Variants in MRPS15 observed in about 807,000 individuals in gnomAD.
The protein encoded by MRPS15 is mitochondrial ribosomal protein S15, also known as small ribosomal subunit protein uS15m.
In MRPS15, 25 loss-of-function variants were observed where a neutral mutation model predicts 30.7. The observed-to-expected ratio is 0.81, with a 90% CI of 0.59 to 1.14. The LOEUF (loss-of-function observed/expected upper bound fraction) is 1.14. Ranked by LOEUF, MRPS15 falls within the 50% of genes most tolerant of loss-of-function variation. The probability of loss-of-function intolerance (pLI) is 0.00; values close to 1 mark genes in which losing one functional copy is unlikely to be tolerated. For synonymous variants in MRPS15, 124 were observed against 120.1 expected, an observed-to-expected ratio of 1.03 and a Z score of -0.21; for missense variants, 313 against 321.7, an observed-to-expected ratio of 0.97 and a Z score of 0.21.
intron 2 of MRPS15, among the ~76,000 whole-genome samples, chr1:36,462,714 C>T (rs756661084): frequency 1.3e-5 from 2 of 152,222 alleles, no homozygotes; most frequent in Non-Finnish European, 2.9e-5. Context: ...CTTATCCTCT[C>T]CAGTCAGACC....
chr1:36,456,845 C>T (rs1650002908), intron 6 of MRPS15, among the ~76,000 whole-genome samples: 1 of 152,234 alleles, frequency 6.6e-6, no homozygotes, highest in Non-Finnish European at 1.5e-5. Context: ...CTTTAAGAAG[C>T]AGGCTCCAGG....
At chr1:36,457,267 C>T (rs1650008291) in intron 6 of MRPS15, among the ~76,000 whole-genome samples, 1 of 137,886 alleles carries the variant, frequency 7.3e-6, no homozygotes, top group South Asian at 2.3e-4. Flanking sequence ...CAGAGCAAGG[C>T]TCCATCTCAA....
Position 36,461,211 on chromosome 1 carries a change from G to T in MRPS15, c.300+53C>A, listed in dbSNP as rs1650091244. On this transcript the variant is annotated intron_variant, in intron 4 of 7. Coordinates refer to ENST00000373116, the MANE Select transcript of MRPS15 (RefSeq NM_031280.4). Reference sequence around the variant, plus strand: ...GCGGGGTGCTAATCAGGGTAGAAGGGAGTCCCAGAGGAGAAGACTGCGGGA... The same window carrying T: ...GCGGGGTGCTAATCAGGGTAGAAGGTAGTCCCAGAGGAGAAGACTGCGGGA... The T allele has an allele frequency of 5.9e-5, 93 of 1,563,280 alleles. No individual in the cohort carries two copies. In the South Asian group the frequency reaches 1.0e-3, roughly 17 times the overall value.
At position 36,455,816 on chromosome 1, in the gene MRPS15, A is replaced by G; in HGVS notation, c.746T>C (p.Ile249Thr). Residue 249 changes from isoleucine (I) to threonine (T), a missense_variant, in exon 8 of 8, where the codon ATA becomes ACA. Transcript: ENST00000373116. ...RRNPDSPAKA[I>T]PKTLKDSQ Reference sequence around the variant, plus strand: ...TTGGCTGTCTTTGAGTGTCTTTGGTATGGCTTTGGCAGGGCTGTCTGGGTT... The same window carrying G: ...TTGGCTGTCTTTGAGTGTCTTTGGTGTGGCTTTGGCAGGGCTGTCTGGGTT... The G allele has an allele frequency of 1.2e-6, 2 of 1,614,138 alleles. No homozygotes were observed. The highest frequency in any genetic ancestry group is 1.7e-6 in the Non-Finnish European group (2 of 1,180,030).
At position 36,456,314 on chromosome 1, in the gene MRPS15, A is replaced by G; in HGVS notation, c.509T>C (p.Leu170Pro). The change falls in exon 7 of 8, where the codon CTC becomes CCC. Residue 170 changes from leucine to proline, a missense_variant. Leu to Pro is a moderately conservative substitution (Grantham distance 98). Coordinates refer to ENST00000373116, the MANE Select transcript of MRPS15 (RefSeq NM_031280.4). ...IDQRKKMLKN[L>P]RNTNYDVFEK... is the part of the protein sequence containing the mutation. ...AAAGACATCATAGTTGGTGTTACGG[A>G]GGTTTTTGAGCATCTTTTTCCTCTG... 6.2e-7 allele frequency: 1 copy of G among 1,614,094 alleles called. No homozygotes were observed. The highest frequency in any genetic ancestry group is 8.5e-7 in the Non-Finnish European group (1 of 1,180,004).
In MRPS15 at chr1:36,455,740, C is replaced by T; in HGVS notation, c.*48G>A. Reference sequence around the variant, plus strand: ...CTCTTCAGGCCAAAAAGAGCCCCATCATCTCTCCTATCATTCTTCAAGACA... The same window carrying T: ...CTCTTCAGGCCAAAAAGAGCCCCATTATCTCTCCTATCATTCTTCAAGACA... On this transcript the variant is annotated 3_prime_UTR_variant, in exon 8 of 8. Coordinates refer to ENST00000373116, the MANE Select transcript of MRPS15 (RefSeq NM_031280.4). 6.3e-7 allele frequency: 1 copy of T among 1,594,892 alleles called. No individual in the cohort carries two copies. Among genetic ancestry groups the T allele is most frequent in the Non-Finnish European group, 8.5e-7 (1 of 1,172,060 alleles).
At chr1:36,457,497 C>T (rs1650014623) in intron 6 of MRPS15, among the ~76,000 whole-genome samples, 1 of 152,174 alleles carries the variant, frequency 6.6e-6, no homozygotes. Context: ...ATATGCATCA[C>T]ATTGGCTGTT....
At position 36,457,207 on chromosome 1, in the gene MRPS15, C is replaced by T. The variant is rs893685205; in HGVS notation, c.444+716G>A. ...AGGAGAGTTGCTTGAACCTGGGAGG[C>T]GGAGCCTGCAGTGAGCCGAGATCGC... On this transcript the variant is annotated intron_variant, in intron 6 of 7. Coordinates refer to ENST00000373116, the MANE Select transcript of MRPS15 (RefSeq NM_031280.4). 4.0e-5 allele frequency among the ~76,000 whole-genome samples: 6 copies of T among 151,412 alleles called. No individual in the cohort carries two copies. The East Asian group carries it at 7.8e-4, about 20-fold the overall frequency.
intron 1 of MRPS15, 64 bp downstream of exon 1, chr1:36,464,082 T>A: frequency 1.3e-6 from 2 of 1,591,068 alleles, no homozygotes; most frequent in Non-Finnish European, 1.7e-6. Context: ...CTGTGCTTCC[T>A]TATTCCCTAT....
chr1:36,457,911 T>A lies in MRPS15; in HGVS notation c.444+12A>T. 6.2e-7 allele frequency: 1 copy of A among 1,613,824 alleles called. No individual in the cohort carries two copies. The highest frequency in any genetic ancestry group is 8.5e-7 in the Non-Finnish European group (1 of 1,179,700). On this transcript the variant is annotated intron_variant, in intron 6 of 7. Transcript: ENST00000373116. The stretch of plus-strand genomic sequence containing the variant: ...TGCTGCTGTTTAACTGTGAATGACG[T>A]CCAGAGTTTACCTTTCGATGTTTCT...
At chr1:36,464,034 T>C (rs915133457) in intron 1 of MRPS15, 112 bp downstream of exon 1, 5 of 1,316,466 alleles carry the variant, frequency 3.8e-6, no homozygotes, top group Admixed American at 2.3e-5. Context: ...CCACCGCCCT[T>C]TCCCCCTTAT....
chr1:36,458,284 A>G lies in MRPS15; in HGVS notation c.386-303T>C, dbSNP rs1344440927. On this transcript the variant is annotated intron_variant, in intron 5 of 7. Transcript: ENST00000373116. The surrounding 1 kb of genome is among the most constrained non-coding windows in gnomAD (Gnocchi z 4.5). Reference sequence around the variant, plus strand: ...CGCTCTGTTGCCCAGGCTGGAGTGCAGTGGTGCGATCTCGGCTCACCGCAG... The same window carrying G: ...CGCTCTGTTGCCCAGGCTGGAGTGCGGTGGTGCGATCTCGGCTCACCGCAG... The G allele has an allele frequency of 1.1e-5, 3 of 269,162 alleles. No homozygotes were observed. The highest frequency in any genetic ancestry group is 2.1e-5 in the Non-Finnish European group (3 of 139,844). The allele number at this position is 269,162 out of a possible 1,614,324, so 16.7% of individuals were successfully genotyped here. A position where few individuals can be genotyped will look rare whatever the true frequency, so the allele number is the denominator to read the frequency against.
At chr1:36,463,928 G>T in intron 1 of MRPS15, 78 bp from the exon 2 acceptor site, 2 of 1,545,472 alleles carry the variant, frequency 1.3e-6, no homozygotes, top group Non-Finnish European at 8.8e-7. Context: ...CCCTCGCATT[G>T]CCCGTCCGCC....
intron 1 of MRPS15, 94 bp downstream of exon 1, chr1:36,464,052 G>T: frequency 7.8e-7 from 1 of 1,286,712 alleles, no homozygotes; most frequent in Non-Finnish European, 1.0e-6. Context: ...TATCCTGACC[G>T]CTGTATATCT....
Position 36,464,229 on chromosome 1 carries a change from G to A in MRPS15, c.47C>T (p.Ala16Val). 1.9e-6 allele frequency: 3 copies of A among 1,614,044 alleles called. No homozygotes were observed. Among genetic ancestry groups the A allele is most frequent in the South Asian group, 1.1e-5 (1 of 91,058 alleles). ...WRTLSLIRTR[A>V]VTQVLVPGLP... ...CCCGGGTACTAGGACCTGGGTAACTGCCCGGGTCCGAATCAAACTCAGCGT... is the reference window on the plus strand; with the variant it reads ...CCCGGGTACTAGGACCTGGGTAACTACCCGGGTCCGAATCAAACTCAGCGT... Residue 16 changes from alanine to valine, a missense_variant, in exon 1 of 8, where the codon GCA becomes GTA. Ala to Val is a moderately conservative substitution (Grantham distance 64). Coordinates refer to ENST00000373116, the MANE Select transcript of MRPS15 (RefSeq NM_031280.4).
Position 36,461,284 on chromosome 1 carries a change from A to G in MRPS15, c.280T>C (p.Ser94Pro), listed in dbSNP as rs1481544785. The G allele has an allele frequency of 6.2e-7, 1 of 1,614,112 alleles. No homozygotes were observed. The highest frequency in any genetic ancestry group is 1.7e-5 in the Admixed American group (1 of 60,002). ...KVDDVVKRLLSLEMANKKEML... is the reference protein window; with the variant it reads ...KVDDVVKRLLPLEMANKKEML... ...CTCACCTTGTTGGCCATTTCCAAAG[A>G]CAAGAGTCTTTTCACGACATCATCA... The change falls in exon 4 of 8, where the codon TCT becomes CCT. Residue 94 changes from serine (S) to proline (P), a missense_variant. Coordinates refer to ENST00000373116, the MANE Select transcript of MRPS15 (RefSeq NM_031280.4).
rs750606672 is a variant in MRPS15 at position 36,461,295 on chromosome 1, T to G, written c.269A>C (p.Lys90Thr). The G allele has an allele frequency of 3.7e-6, 6 of 1,614,058 alleles. No homozygotes were observed. The highest frequency in any genetic ancestry group is 5.1e-6 in the Non-Finnish European group (6 of 1,180,026). The change falls in exon 4 of 8, where the codon AAA becomes ACA. Residue 90 changes from lysine to threonine, a missense_variant. Transcript: ENST00000373116. The stretch of plus-strand genomic sequence containing the variant: ...GGCCATTTCCAAAGACAAGAGTCTT[T>G]TCACGACATCATCAACCCTGTGGAT... ...PGIEKVDDVV[K>T]RLLSLEMANK...
chr1:36,455,733 G>A lies in MRPS15; in HGVS notation c.*55C>T. ...CCTTCTCCTCTTCAGGCCAAAAAGA[G>A]CCCCATCATCTCTCCTATCATTCTT... On this transcript the variant is annotated 3_prime_UTR_variant, in exon 8 of 8. Coordinates refer to ENST00000373116, the MANE Select transcript of MRPS15 (RefSeq NM_031280.4). 6 of 1,584,762 alleles carry A rather than the reference G, an allele frequency of 3.8e-6. No homozygotes were observed. Among genetic ancestry groups the A allele is most frequent in the Non-Finnish European group, 5.1e-6 (6 of 1,166,696 alleles).
chr1:36,463,448 G>A (rs1650137221), intron 2 of MRPS15, among the ~76,000 whole-genome samples: 1 of 152,136 alleles, frequency 6.6e-6, no homozygotes, highest in Non-Finnish European at 1.5e-5. Flanking sequence ...CTAATAAGAA[G>A]GATCTTAACT....
Sources: allele counts gnomAD v4.1 joint callset (sites outside exome capture counted in the v4.1 genomes callset), GRCh38; gene constraint gnomAD v4.1.1; non-coding constraint Gnocchi (gnomAD v3.1); transcripts MANE v1.5; gene names NCBI Gene and HGNC (gene_info 2026-07-23, HGNC 2026-07-21).